RNF217: variants seen among roughly 807,000 people sequenced by gnomAD.
The protein encoded by RNF217 is ring finger protein 217, also known as E3 ubiquitin-protein ligase RNF217.
A neutral mutation model predicts 57.8 loss-of-function variants in RNF217; 31 were observed. The observed-to-expected ratio is 0.54, with a 90% confidence interval of 0.40 to 0.72. RNF217 has a LOEUF of 0.72. RNF217 is among the 30% of genes least tolerant of loss of function. The pLI, the probability that RNF217 is intolerant of heterozygous loss-of-function variation, is 0.00. For synonymous variants in RNF217, 313 were observed against 294.0 expected (o/e 1.06, Z -0.66); for missense variants, 696 against 708.3 (o/e 0.98, Z 0.20).
chr6:125,008,282 G>A (rs1261884996), intron 1 of RNF217, among the ~76,000 whole-genome samples: 3 of 151,828 alleles, frequency 2.0e-5, no homozygotes, highest in Admixed American at 1.3e-4. Context: ...ATGTGAATGT[G>A]GTCTCTCTCA....
rs1788786176 is a variant in RNF217, at chr6:125,086,903, A to G, written c.*3966A>G. The G allele has an allele frequency of 3.3e-5, 5 of 152,130 alleles. No individual in the cohort carries two copies. Among genetic ancestry groups the G allele is most frequent in the African/African-American group, 1.2e-4 (5 of 41,440 alleles). The allele number at this position is 152,130 out of a possible 1,614,324, so 9.4% of individuals were successfully genotyped here. A position where few individuals can be genotyped will look rare whatever the true frequency, so the allele number is the denominator to read the frequency against. On this transcript the variant is annotated 3_prime_UTR_variant, in exon 6 of 6. Transcript: ENST00000521654. ...GTCCCAAGGCTCCAATTGAGCCTTT[A>G]TCTTTCAACCTTACCACCCAAGTAT...
chr6:125,016,632 A>AT (rs1014220163), intron 1 of RNF217, among the ~76,000 whole-genome samples: 1 of 151,990 alleles, frequency 6.6e-6, no homozygotes, highest in Non-Finnish European at 1.5e-5. Context: ...CTGTGCAGCC[A>AT]TAAAAAAAAG....
intron 2 of RNF217, among the ~76,000 whole-genome samples, chr6:125,045,731 T>C (rs1222763857): frequency 6.6e-6 from 1 of 152,108 alleles, no homozygotes. Context: ...TACTACCAAA[T>C]ACTAAATAAA....
rs1562500117 is a variant in RNF217, at chr6:125,081,526, A to G, written c.1555+19A>G. ...GTAATCGGTAAGAAACACTTCATGC[A>G]TCTGAGATTAGAATTATCTGAGGGC... On this transcript the variant is annotated intron_variant, in intron 5 of 5. Transcript: ENST00000521654. 1.9e-6 allele frequency: 3 copies of G among 1,587,842 alleles called. No homozygotes were observed. Among genetic ancestry groups the G allele is most frequent in the Middle Eastern group, 1.7e-4 (1 of 5,992 alleles).
At chr6:125,048,102 T>G in intron 2 of RNF217, 1 of 860,658 alleles carries the variant, frequency 1.2e-6, no homozygotes, top group Non-Finnish European at 1.6e-6. Context: ...GTGGTTTATG[T>G]TAACATTAAC....
At chr6:124,972,784 C>T (rs1783809920) in intron 1 of RNF217, among the ~76,000 whole-genome samples, 1 of 152,116 alleles carries the variant, frequency 6.6e-6, no homozygotes, top group South Asian at 2.1e-4. Context: ...TCTTGACCCC[C>T]TATATCTAGA....
chr6:124,999,272 C>T (rs748850809), intron 1 of RNF217, among the ~76,000 whole-genome samples: 2 of 152,120 alleles, frequency 1.3e-5, no homozygotes, highest in African/African-American at 4.8e-5. Flanking sequence ...AGTTTCTAAC[C>T]GCAGGTGCAC....
intron 1 of RNF217, among the ~76,000 whole-genome samples, chr6:125,014,552 T>A (rs766071429): frequency 3.3e-5 from 5 of 152,192 alleles, no homozygotes; most frequent in Non-Finnish European, 7.3e-5. Flanking sequence ...TCTGTGATGA[T>A]TGCATCATCT....
chr6:125,079,709 G>T (rs752177491), intron 4 of RNF217, among the ~76,000 whole-genome samples: 1 of 152,090 alleles, frequency 6.6e-6, no homozygotes, highest in Non-Finnish European at 1.5e-5. Flanking sequence ...TGATACTAAT[G>T]TGAAGGCCAT....
intron 1 of RNF217, chr6:125,009,298 G>A (rs1450856276): frequency 2.0e-6 from 3 of 1,536,188 alleles, no homozygotes; most frequent in Admixed American, 1.7e-5. Flanking sequence ...GTACATAGAT[G>A]AAGAAGCCAC....
At position 125,092,213 on chromosome 6, in the gene RNF217, T is replaced by C. The variant is rs1028333899; in HGVS notation, c.*9276T>C. ...TTTCAGTCGATATGTCAATGTACTG[T>C]TCCTTCTCAGTAAGTACAGTGTCAC... On this transcript the variant is annotated 3_prime_UTR_variant, in exon 6 of 6. Coordinates refer to ENST00000521654, the MANE Select transcript of RNF217 (RefSeq NM_001286398.3). 3.9e-5 allele frequency: 6 copies of C among 152,138 alleles called. No homozygotes were observed. The highest frequency in any genetic ancestry group is 7.4e-5 in the Non-Finnish European group (5 of 68,010). The allele number at this position is 152,138 out of a possible 1,614,324, so 9.4% of individuals were successfully genotyped here. A position where few individuals can be genotyped will look rare whatever the true frequency, so the allele number is the denominator to read the frequency against.
chr6:125,064,475 ATATTT>A (rs1787861798), intron 3 of RNF217, among the ~76,000 whole-genome samples: 1 of 152,192 alleles, frequency 6.6e-6, no homozygotes, highest in African/African-American at 2.4e-5. Flanking sequence ...ACTACCTATA[ATATTT>A]TATTTTAAAA....
intron 1 of RNF217, among the ~76,000 whole-genome samples, chr6:125,012,476 T>G (rs1785449530): frequency 6.6e-6 from 1 of 152,202 alleles, no homozygotes; most frequent in Non-Finnish European, 1.5e-5. Flanking sequence ...CAATTGTTTA[T>G]ACTACTTTGG....
chr6:124,966,068 C>T (rs1783527114), intron 1 of RNF217, among the ~76,000 whole-genome samples: 1 of 152,204 alleles, frequency 6.6e-6, no homozygotes, highest in Non-Finnish European at 1.5e-5. Context: ...CTTCTTGATA[C>T]TTAAGACAAA....
intron 2 of RNF217, among the ~76,000 whole-genome samples, chr6:125,054,572 T>G (rs2114574226): frequency 6.6e-6 from 1 of 152,316 alleles, no homozygotes; most frequent in East Asian, 1.9e-4. Flanking sequence ...AAAATCTATC[T>G]TGGCTAATTT....
intron 1 of RNF217, among the ~76,000 whole-genome samples, chr6:124,972,991 G>T (rs1160924287): frequency 1.3e-5 from 2 of 152,016 alleles, no homozygotes; most frequent in Non-Finnish European, 2.9e-5. Context: ...CTAACACTTT[G>T]TGTGTTATAT....
At chr6:125,027,228 A>G (rs1238467870) in intron 1 of RNF217, among the ~76,000 whole-genome samples, 1 of 152,148 alleles carries the variant, frequency 6.6e-6, no homozygotes, top group Non-Finnish European at 1.5e-5. Flanking sequence ...CTATTGTGCT[A>G]TCAAATAGTA....
At chr6:125,023,198 A>G (rs992253447) in intron 1 of RNF217, among the ~76,000 whole-genome samples, 1 of 152,184 alleles carries the variant, frequency 6.6e-6, no homozygotes, top group African/African-American at 2.4e-5. Flanking sequence ...TAAGACCTGA[A>G]GGATTTAAGC....
intron 1 of RNF217, among the ~76,000 whole-genome samples, chr6:124,997,043 C>T (rs1401639546): frequency 2.4e-4 from 37 of 152,132 alleles, no homozygotes. Flanking sequence ...CAAACACGGA[C>T]GTGCTGGTAG....
Sources: allele counts gnomAD v4.1 joint callset (sites outside exome capture counted in the v4.1 genomes callset), GRCh38; gene constraint gnomAD v4.1.1; transcripts MANE v1.5; gene names NCBI Gene and HGNC (gene_info 2026-07-23, HGNC 2026-07-21).